DPP6: variants seen among roughly 807,000 people sequenced by gnomAD.
DPP6 encodes the protein dipeptidyl peptidase like 6, also known as A-type potassium channel modulatory protein DPP6.
In DPP6, 69 loss-of-function variants were observed where a neutral mutation model predicts 122.6. The observed-to-expected ratio is 0.56, with a 90% CI of 0.46 to 0.69. DPP6 has a LOEUF of 0.69. Ranked by LOEUF, DPP6 falls within the 30% of genes least tolerant of loss-of-function variation. DPP6 has a pLI of 0.00. For missense variants in DPP6, 928 were observed against 1,116.9 expected (o/e 0.83, Z 2.41); for synonymous variants, 418 against 433.1 (o/e 0.97, Z 0.43).
intron 3 of DPP6, among the ~76,000 whole-genome samples, chr7:154,537,833 G>C (rs1488233756): frequency 1.3e-5 from 2 of 152,098 alleles, no homozygotes; most frequent in African/African-American, 4.8e-5. Flanking sequence ...TTTACCAAAA[G>C]ATGTAAAGAA....
intron 8 of DPP6, among the ~76,000 whole-genome samples, chr7:154,764,036 G>T (rs934077225): frequency 6.6e-6 from 1 of 152,122 alleles, no homozygotes; most frequent in African/African-American, 2.4e-5. Context: ...CTCTGTGGGC[G>T]CTCTTCACCT....
intron 1 of DPP6, among the ~76,000 whole-genome samples, chr7:154,422,044 G>A (rs539703430): frequency 6.6e-6 from 1 of 152,222 alleles, no homozygotes; most frequent in South Asian, 2.1e-4. Flanking sequence ...GATTAGAATC[G>A]CAAGAAGTTG....
intron 6 of DPP6, among the ~76,000 whole-genome samples, chr7:154,664,276 A>G (rs1037944566): frequency 6.6e-6 from 1 of 152,264 alleles, no homozygotes; most frequent in Non-Finnish European, 1.5e-5. Context: ...TATTGGCCCT[A>G]GTGTTCATGC....
At chr7:153,867,133 G>A in the DPP6 span, among the ~76,000 whole-genome samples, 4 of 152,144 alleles carry the variant, frequency 2.6e-5, no homozygotes, top group African/African-American at 9.7e-5. Context: ...GGCAATGCGG[G>A]CTCTTTTTTG....
At chr7:154,827,854 A>C (rs1213312434) in intron 16 of DPP6, among the ~76,000 whole-genome samples, 1 of 152,086 alleles carries the variant, frequency 6.6e-6, no homozygotes, top group East Asian at 1.9e-4. Context: ...GGTAGCAGCG[A>C]TGGTGATGAA....
chr7:154,539,559 C>G (rs1325900208), intron 3 of DPP6, among the ~76,000 whole-genome samples: 2 of 150,742 alleles, frequency 1.3e-5, no homozygotes, highest in East Asian at 3.9e-4. Flanking sequence ...TGCAGCACAC[C>G]AACATGGCAC....
At chr7:154,542,757 C>T (rs1828834352) in intron 4 of DPP6, among the ~76,000 whole-genome samples, 1 of 152,176 alleles carries the variant, frequency 6.6e-6, no homozygotes, top group African/African-American at 2.4e-5. Context: ...CTCAAAGCTA[C>T]ATTTAAATGC....
chr7:153,933,883 C>T (rs138000608), intron 1 of DPP6, among the ~76,000 whole-genome samples: 2 of 152,334 alleles, frequency 1.3e-5, no homozygotes, highest in Non-Finnish European at 2.9e-5. Context: ...GCCTGCAGGC[C>T]GAGCAGGCCC....
At chr7:154,059,944 G>A (rs1349760214) in intron 1 of DPP6, among the ~76,000 whole-genome samples, 5 of 152,014 alleles carry the variant, frequency 3.3e-5, no homozygotes, top group African/African-American at 1.2e-4. Flanking sequence ...TGAACATAAA[G>A]GGCCCCCATT....
chr7:154,324,925 A>G (rs977934391), intron 1 of DPP6, among the ~76,000 whole-genome samples: 14 of 131,916 alleles, frequency 1.1e-4, no homozygotes, highest in Non-Finnish European at 1.1e-4. Flanking sequence ...CAATGGCACC[A>G]TCTTGGCTCA....
chr7:153,849,558 T>C, the DPP6 span, among the ~76,000 whole-genome samples: 1 of 152,230 alleles, frequency 6.6e-6, no homozygotes, highest in Non-Finnish European at 1.5e-5. Context: ...TATCCATCTT[T>C]TTTTTGAAAT....
At chr7:154,447,035 G>A (rs908683290) in intron 2 of DPP6, among the ~76,000 whole-genome samples, 2 of 152,212 alleles carry the variant, frequency 1.3e-5, no homozygotes, top group Non-Finnish European at 2.9e-5. Flanking sequence ...GCTGGACATG[G>A]TGGCTTATGC....
intron 1 of DPP6, among the ~76,000 whole-genome samples, chr7:153,968,029 A>G (rs1187707351): frequency 6.6e-6 from 1 of 150,636 alleles, no homozygotes; most frequent in Non-Finnish European, 1.5e-5. Flanking sequence ...ACATATGCAT[A>G]CACGTATCTT....
At chr7:154,616,824 C>T (rs1333067329) in intron 5 of DPP6, among the ~76,000 whole-genome samples, 2 of 152,154 alleles carry the variant, frequency 1.3e-5, no homozygotes, top group African/African-American at 2.4e-5. Flanking sequence ...TTAAACGTTC[C>T]ATCTCATTTG....
At chr7:154,550,509 A>G (rs1829546365) in intron 4 of DPP6, among the ~76,000 whole-genome samples, 1 of 152,200 alleles carries the variant, frequency 6.6e-6, no homozygotes, top group Admixed American at 6.5e-5. Flanking sequence ...GACAATCTTG[A>G]AGACATTTCT....
At chr7:154,880,197 C>T (rs964063581) in intron 20 of DPP6, among the ~76,000 whole-genome samples, 4 of 152,202 alleles carry the variant, frequency 2.6e-5, no homozygotes, top group Admixed American at 6.5e-5. Context: ...CGGAAGGACC[C>T]CAGCCACTTC....
intron 18 of DPP6, among the ~76,000 whole-genome samples, chr7:154,869,569 C>T (rs1804204042): frequency 6.6e-6 from 1 of 152,182 alleles, no homozygotes; most frequent in Admixed American, 6.5e-5. Flanking sequence ...TAGGCAAGGG[C>T]AAGTGCAGTG....
chr7:154,049,144 GTAGGAA>G (rs1800166521), upstream of DPP6, among the ~76,000 whole-genome samples: 1 of 151,294 alleles, frequency 6.6e-6, no homozygotes, highest in African/African-American at 2.4e-5. Context: ...TACCCAATAA[GTAGGAA>G]TAAAAATCTG....
At chr7:153,971,974 C>G (rs901673337) in intron 1 of DPP6, among the ~76,000 whole-genome samples, 2 of 148,514 alleles carry the variant, frequency 1.3e-5, no homozygotes, top group Admixed American at 1.3e-4. Flanking sequence ...ATGTTTGTTT[C>G]CTGTCTATTA....
Sources: gnomAD v4.1 joint callset for allele counts (sites outside exome capture counted in the v4.1 genomes callset) on GRCh38, gnomAD v4.1.1 for gene constraint, MANE v1.5 for transcripts, NCBI Gene and HGNC (gene_info 2026-07-23, HGNC 2026-07-21) for gene names.